LEKR1: variants seen among roughly 807,000 people sequenced by gnomAD.
LEKR1 encodes the protein protein LEKR1.
In LEKR1, 59 loss-of-function variants were observed where a neutral mutation model predicts 72.4. The observed-to-expected ratio is 0.82, with a 90% confidence interval of 0.66 to 1.01. The LOEUF is 1.01. Ranked by LOEUF, LEKR1 falls within the 50% of genes least tolerant of loss-of-function variation. The probability of loss-of-function intolerance (pLI) is 0.00; values close to 1 mark genes in which losing one functional copy is unlikely to be tolerated. For missense variants in LEKR1, 728 were observed against 759.2 expected (o/e 0.96, Z 0.48); for synonymous variants, 257 against 263.2 (o/e 0.98, Z 0.23).
chr3:156,986,015 A>C (rs1730647272), intron 7 of LEKR1, among the ~76,000 whole-genome samples: 3 of 152,128 alleles, frequency 2.0e-5, no homozygotes, highest in Admixed American at 2.0e-4. Context: ...TGATGGAGGA[A>C]GGGGCCACAG....
intron 12 of LEKR1, among the ~76,000 whole-genome samples, chr3:157,033,093 T>C (rs1734734994): frequency 6.6e-6 from 1 of 152,218 alleles, no homozygotes; most frequent in South Asian, 2.1e-4. Context: ...ACTAATCCAC[T>C]GACTGGCCAG....
intron 7 of LEKR1, among the ~76,000 whole-genome samples, chr3:156,980,973 C>A (rs188462422): frequency 3.6e-4 from 55 of 152,144 alleles, no homozygotes; most frequent in African/African-American, 1.3e-3. Flanking sequence ...AAAGATGGTC[C>A]TATAAGATTA....
At chr3:156,995,652 C>A (rs145656749) in intron 9 of LEKR1, among the ~76,000 whole-genome samples, 1 of 152,036 alleles carries the variant, frequency 6.6e-6, no homozygotes, top group Admixed American at 6.6e-5. Flanking sequence ...GCCAAAATGG[C>A]AAAACCCCAT....
intron 9 of LEKR1, among the ~76,000 whole-genome samples, chr3:156,998,677 T>A (rs1731773373): frequency 6.6e-6 from 1 of 152,190 alleles, no homozygotes; most frequent in Non-Finnish European, 1.5e-5. Context: ...TGGCTCTGCA[T>A]TAAGTATTAA....
intron 2 of LEKR1, among the ~76,000 whole-genome samples, chr3:156,836,157 G>A (rs1713117980): frequency 6.6e-6 from 1 of 152,074 alleles, no homozygotes; most frequent in South Asian, 2.1e-4. Context: ...ACAGGCCTAA[G>A]CCACCAAGCC....
chr3:157,025,761 C>T (rs1734139797), intron 11 of LEKR1, among the ~76,000 whole-genome samples: 1 of 152,058 alleles, frequency 6.6e-6, no homozygotes, highest in African/African-American at 2.4e-5. Context: ...CATGGTGGCT[C>T]ATGCCTATAA....
intron 6 of LEKR1, among the ~76,000 whole-genome samples, chr3:156,947,187 A>G (rs1256746122): frequency 6.6e-6 from 1 of 150,732 alleles, no homozygotes; most frequent in Admixed American, 6.6e-5. Flanking sequence ...TTTAAGATGC[A>G]TTGTTATGTT....
chr3:157,021,076 T>C (rs1262802092), intron 10 of LEKR1, among the ~76,000 whole-genome samples: 2 of 151,974 alleles, frequency 1.3e-5, no homozygotes, highest in Admixed American at 6.5e-5. Flanking sequence ...ATAAATGTCT[T>C]CTTTTGAGAA....
chr3:157,016,396 T>G (rs1733337416), intron 10 of LEKR1, among the ~76,000 whole-genome samples: 1 of 151,796 alleles, frequency 6.6e-6, no homozygotes, highest in Admixed American at 6.6e-5. Flanking sequence ...TCAGAAACAA[T>G]GCAAGCAAAA....
intron 6 of LEKR1, among the ~76,000 whole-genome samples, chr3:156,960,566 G>GT (rs1728033220): frequency 6.6e-6 from 1 of 152,106 alleles, no homozygotes; most frequent in Non-Finnish European, 1.5e-5. Context: ...GATTACAGGC[G>GT]TGAGCCACCA....
chr3:156,830,264 A>C (rs150399743), intron 2 of LEKR1, among the ~76,000 whole-genome samples: 7 of 152,314 alleles, frequency 4.6e-5, no homozygotes, highest in Non-Finnish European at 8.8e-5. Flanking sequence ...TCTTCCCTTC[A>C]GGAAAAAGTG....
chr3:156,902,526 A>G (rs1211239860), intron 3 of LEKR1, among the ~76,000 whole-genome samples: 2 of 152,304 alleles, frequency 1.3e-5, no homozygotes, highest in East Asian at 3.9e-4. Context: ...AGGGACAAAC[A>G]TATATCTAAA....
chr3:156,999,211 C>T (rs576185689), intron 9 of LEKR1, among the ~76,000 whole-genome samples: 5 of 152,212 alleles, frequency 3.3e-5, no homozygotes, highest in African/African-American at 1.2e-4. Flanking sequence ...TACCCAGTCT[C>T]GGGCAGTTCT....
At chr3:156,885,055 A>T (rs964582368) in intron 3 of LEKR1, among the ~76,000 whole-genome samples, 55 of 152,204 alleles carry the variant, frequency 3.6e-4, no homozygotes, top group African/African-American at 1.3e-3. Flanking sequence ...TCTTTCTTCT[A>T]CTTGTTCTAG....
intron 3 of LEKR1, among the ~76,000 whole-genome samples, chr3:156,868,636 G>A (rs1167851230): frequency 6.6e-6 from 1 of 151,978 alleles, no homozygotes; most frequent in East Asian, 1.9e-4. Context: ...GGTATTTGTG[G>A]TATCCATCAC....
chr3:156,981,423 C>T (rs1263993050), intron 7 of LEKR1, among the ~76,000 whole-genome samples: 1 of 152,172 alleles, frequency 6.6e-6, no homozygotes, highest in African/African-American at 2.4e-5. Flanking sequence ...TAGGAAGTTA[C>T]TGTATAATTG....
intron 12 of LEKR1, among the ~76,000 whole-genome samples, chr3:157,038,891 C>A (rs917441578): frequency 2.6e-5 from 4 of 152,178 alleles, no homozygotes; most frequent in African/African-American, 9.7e-5. Context: ...CTGTAATTAG[C>A]CTCCTATCAG....
chr3:156,971,870 G>A (rs1443350628), intron 6 of LEKR1, among the ~76,000 whole-genome samples: 2 of 152,178 alleles, frequency 1.3e-5, no homozygotes, highest in Admixed American at 1.3e-4. Context: ...TAGAGAAATA[G>A]CAACACTTTT....
At chr3:157,005,039 T>C (rs959174403) in intron 9 of LEKR1, among the ~76,000 whole-genome samples, 12 of 151,858 alleles carry the variant, frequency 7.9e-5, no homozygotes, top group Non-Finnish European at 1.5e-4. Flanking sequence ...AACCTCAAGG[T>C]AGACTAATCA....
Sources: gnomAD v4.1 joint callset for allele counts (sites outside exome capture counted in the v4.1 genomes callset) on GRCh38, gnomAD v4.1.1 for gene constraint, MANE v1.5 for transcripts, NCBI Gene and HGNC (gene_info 2026-07-23, HGNC 2026-07-21) for gene names.